BRI3: variants seen among roughly 807,000 people sequenced by gnomAD.
BRI3 encodes membrane protein BRI3.
A neutral mutation model predicts 12.8 loss-of-function variants in BRI3; 6 were observed. The ratio of observed to expected loss-of-function variants is 0.47; its 90% CI spans 0.26 to 0.93. BRI3 has a LOEUF of 0.93. Ranked by LOEUF, BRI3 falls within the 40% of genes least tolerant of loss-of-function variation. The probability of loss-of-function intolerance (pLI) is 0.15; values close to 1 mark genes in which losing one functional copy is unlikely to be tolerated. For missense variants in BRI3, 134 were observed against 171.1 expected (o/e 0.78, Z 1.21); for synonymous variants, 91 against 76.1 (o/e 1.20, Z -1.02).
upstream of BRI3, among the ~76,000 whole-genome samples, chr7:98,305,202 T>C (rs1329510558): frequency 6.6e-6 from 1 of 151,636 alleles, no homozygotes; most frequent in Non-Finnish European, 1.5e-5. Flanking sequence ...AAAAATTATT[T>C]AAAAGACATG....
chr7:98,304,264 T>C, upstream of BRI3: 1 of 1,613,626 alleles, frequency 6.2e-7, no homozygotes, highest in Non-Finnish European at 8.5e-7. Context: ...GAATCTGCTC[T>C]CCTGTCGGCA....
chr7:98,301,399 G>C (rs1800412822), intron 1 of BRI3, among the ~76,000 whole-genome samples: 1 of 151,592 alleles, frequency 6.6e-6, no homozygotes, highest in Non-Finnish European at 1.5e-5. Context: ...TGGGGCTTTT[G>C]AATGTTCTTG....
chr7:98,315,614 TAAAA>T, the BRI3 span: 6 of 772,408 alleles, frequency 7.8e-6, no homozygotes, highest in African/African-American at 2.0e-5. Flanking sequence ...CTCCACATAC[TAAAA>T]AAAAAAAAAT....
upstream of BRI3, among the ~76,000 whole-genome samples, chr7:98,305,620 GC>G (rs1363577251): frequency 3.9e-5 from 6 of 151,998 alleles, no homozygotes; most frequent in Non-Finnish European, 8.8e-5. Context: ...TGGGGATCTT[GC>G]TATGTTGCGC....
At chr7:98,295,939 C>T (rs950442401), downstream of BRI3, among the ~76,000 whole-genome samples, 2 of 152,216 alleles carry the variant, frequency 1.3e-5, no homozygotes, top group African/African-American at 4.8e-5. Context: ...GGGCCAACCC[C>T]GTGCACGCAT....
At chr7:98,317,219 C>T in the BRI3 span, 1 of 1,614,180 alleles carries the variant, frequency 6.2e-7, no homozygotes, top group Admixed American at 1.7e-5. Context: ...AAAAGCTCAC[C>T]TCAATTTCTT....
downstream of BRI3, among the ~76,000 whole-genome samples, chr7:98,313,484 C>A (rs1166775982): frequency 1.3e-5 from 2 of 152,098 alleles, no homozygotes; most frequent in Admixed American, 6.6e-5. Flanking sequence ...CAGCCTGCGA[C>A]CCTGGTGCCA....
downstream of BRI3, chr7:98,312,214 A>G (rs565168959): frequency 6.2e-7 from 1 of 1,614,118 alleles, no homozygotes; most frequent in South Asian, 1.1e-5. Context: ...TGATGGCATC[A>G]ACACAGGTCT....
At position 98,291,388 on chromosome 7, in the gene BRI3, C is replaced by T. The variant is rs62479857; in HGVS notation, c.*145C>T. ...GTGGCACACGCCAGCTGCGGTTTCC[C>T]GGAGCGTGGAGAGGCAGTGCTGCTG... On this transcript the variant is annotated 3_prime_UTR_variant, in exon 3 of 3. Transcript: ENST00000297290. The T allele has an allele frequency of 0.031, 44,883 of 1,471,268 alleles. 825 individuals carry two copies. The highest frequency in any genetic ancestry group is 0.035 in the Middle Eastern group (136 of 3,898). 91.1% of individuals were successfully genotyped at this position (1,471,268 alleles called of 1,614,324 possible).
intron 1 of BRI3, among the ~76,000 whole-genome samples, chr7:98,299,791 A>G (rs1418829975): frequency 1.3e-5 from 2 of 152,232 alleles, no homozygotes; most frequent in Non-Finnish European, 2.9e-5. Flanking sequence ...CTATATTCCC[A>G]GCACTTTGGG....
At chr7:98,316,720 T>C in the BRI3 span, among the ~76,000 whole-genome samples, 4 of 152,176 alleles carry the variant, frequency 2.6e-5, no homozygotes, top group African/African-American at 9.7e-5. Flanking sequence ...CTAGAACTTA[T>C]TTCTTTTATC....
In BRI3 at chr7:98,281,792, C is replaced by G. The variant is rs1799523900; in HGVS notation, c.-4C>G. The G allele has an allele frequency of 6.9e-6, 8 of 1,165,758 alleles. No individual in the cohort carries two copies. The East Asian group carries it at 3.0e-4, about 44-fold the overall frequency. The allele number at this position is 1,165,758 out of a possible 1,614,324, so 72.2% of individuals were successfully genotyped here. ...GCCGGAGCGGCGGGCGCGGCCGGGC[C>G]GCCATGGACCACAAGCCGCTGCTGC... On this transcript the variant is annotated 5_prime_UTR_variant, in exon 1 of 3. Coordinates refer to ENST00000297290, the MANE Select transcript of BRI3 (RefSeq NM_015379.5).
At chr7:98,306,303 C>T (rs1050490801), upstream of BRI3, 8 of 1,045,932 alleles carry the variant, frequency 7.6e-6, no homozygotes, top group Admixed American at 6.0e-5. Flanking sequence ...CTGTGAGCCG[C>T]GGTCTCATCT....
downstream of BRI3, chr7:98,294,233 T>A: frequency 1.0e-6 from 1 of 975,586 alleles, no homozygotes; most frequent in Non-Finnish European, 1.6e-6. Context: ...GCTCACGTGA[T>A]CCTTCCACCT....
Position 98,301,094 on chromosome 7 carries a change from CG to C in BRI3, c.72-5387del, listed in dbSNP as rs1275050389. On this transcript the variant is annotated intron_variant and NMD_transcript_variant, in intron 1 of 2. Coordinates refer to the BRI3 transcript ENST00000491463. ...GCCGGCTGGATGAATGCTGATGGGA[CG>C]GTCTCATCTCTGTCCACAAAACCCC... Among the ~76,000 whole-genome samples the C allele has an allele frequency of 5.3e-5, 8 of 152,274 alleles. No individual in the cohort carries two copies. The South Asian group carries it at 1.0e-3, about 20-fold the overall frequency.
chr7:98,315,623 A>T, the BRI3 span: 13 of 1,207,756 alleles, frequency 1.1e-5, no homozygotes, highest in South Asian at 3.0e-4. Flanking sequence ...CTAAAAAAAA[A>T]AAAATAATAA....
At chr7:98,286,289 G>A (rs1799708499) in intron 2 of BRI3, among the ~76,000 whole-genome samples, 1 of 152,230 alleles carries the variant, frequency 6.6e-6, no homozygotes, top group African/African-American at 2.4e-5. Flanking sequence ...TGAGGCGGGA[G>A]CCCCGCGGCC....
upstream of BRI3, among the ~76,000 whole-genome samples, chr7:98,305,486 G>C (rs1040010733): frequency 1.3e-5 from 2 of 152,042 alleles, no homozygotes; most frequent in African/African-American, 4.8e-5. Flanking sequence ...CCTTCTACCT[G>C]GCTAGCTGGA....
In BRI3 at chr7:98,284,148, T is replaced by C. The variant is rs554072059; in HGVS notation, c.245+1695T>C. 1.6e-4 allele frequency among the ~76,000 whole-genome samples: 25 copies of C among 152,254 alleles called. No homozygotes were observed. In the South Asian group the frequency reaches 5.2e-3, roughly 32 times the overall value. ...GGTTACTTAATCACTGCTCTCTGCC[T>C]CTGGGCAGCTGCACCAGGCAGGGTG... On this transcript the variant is annotated intron_variant, in intron 2 of 2. Coordinates refer to ENST00000297290, the MANE Select transcript of BRI3 (RefSeq NM_015379.5).
Sources: gnomAD v4.1 joint callset for allele counts (sites outside exome capture counted in the v4.1 genomes callset) on GRCh38, gnomAD v4.1.1 for gene constraint, MANE v1.5 for transcripts, NCBI Gene and HGNC (gene_info 2026-07-23, HGNC 2026-07-21) for gene names.